Variants in FAM83B observed in about 807,000 individuals in gnomAD.
FAM83B encodes protein FAM83B.
A neutral mutation model predicts 38.8 loss-of-function variants in FAM83B; 26 were observed. The observed-to-expected ratio is 0.67, with a 90% CI of 0.49 to 0.93. FAM83B has a LOEUF of 0.93. Among genes scored for constraint, FAM83B ranks in the 40% least tolerant of loss-of-function variants. FAM83B has a pLI of 0.00. For missense variants in FAM83B, 1,237 were observed against 1,197.3 expected (o/e 1.03, Z -0.49); for synonymous variants, 419 against 423.1 (o/e 0.99, Z 0.12).
At chr6:54,867,185 A>G (rs1771730582) in intron 1 of FAM83B, among the ~76,000 whole-genome samples, 2 of 150,992 alleles carry the variant, frequency 1.3e-5, no homozygotes, top group African/African-American at 2.4e-5. Context: ...CTTATTTTTT[A>G]TATATATATT....
intron 2 of FAM83B, among the ~76,000 whole-genome samples, chr6:54,880,325 T>G (rs1052099278): frequency 2.6e-5 from 4 of 152,114 alleles, no homozygotes; most frequent in Non-Finnish European, 4.4e-5. Flanking sequence ...ATCAGGATTA[T>G]AGAGACAATT....
At chr6:54,857,615 A>G (rs537963540) in intron 1 of FAM83B, among the ~76,000 whole-genome samples, 4 of 152,202 alleles carry the variant, frequency 2.6e-5, no homozygotes, top group Non-Finnish European at 5.9e-5. Flanking sequence ...GGTCTTATCC[A>G]AGACAGTGAT....
intron 2 of FAM83B, among the ~76,000 whole-genome samples, chr6:54,906,532 G>C (rs1208535667): frequency 6.6e-6 from 1 of 151,822 alleles, no homozygotes; most frequent in Non-Finnish European, 1.5e-5. Context: ...TCACAGGCGC[G>C]TGCCCCTATG....
intron 2 of FAM83B, among the ~76,000 whole-genome samples, chr6:54,889,192 G>GT (rs1772346750): frequency 6.6e-6 from 1 of 151,986 alleles, no homozygotes; most frequent in African/African-American, 2.4e-5. Flanking sequence ...GTCACAGTCT[G>GT]TTTTTGATAA....
At chr6:54,934,504 CA>C (rs2127590343) in intron 4 of FAM83B, among the ~76,000 whole-genome samples, 1 of 152,100 alleles carries the variant, frequency 6.6e-6, no homozygotes, top group Non-Finnish European at 1.5e-5. Flanking sequence ...TGTCTTTCTC[CA>C]AAAGATTGTC....
At chr6:54,877,526 T>C (rs1772028287) in intron 2 of FAM83B, among the ~76,000 whole-genome samples, 1 of 152,234 alleles carries the variant, frequency 6.6e-6, no homozygotes, top group African/African-American at 2.4e-5. Context: ...AACTAGTCAC[T>C]CTTCAAATTA....
At chr6:54,933,900 C>G (rs1184555505) in intron 4 of FAM83B, among the ~76,000 whole-genome samples, 1 of 152,054 alleles carries the variant, frequency 6.6e-6, no homozygotes, top group African/African-American at 2.4e-5. Context: ...GGGAGGACCC[C>G]CAGTCTGGGG....
At chr6:54,889,948 A>C (rs1005779288) in intron 2 of FAM83B, among the ~76,000 whole-genome samples, 1 of 152,068 alleles carries the variant, frequency 6.6e-6, no homozygotes, top group Non-Finnish European at 1.5e-5. Context: ...TTAGTAGTGA[A>C]GTTTTTGATA....
At chr6:54,927,430 A>G in intron 3 of FAM83B, 78 bp from the exon 4 acceptor site, 1 of 1,201,730 alleles carries the variant, frequency 8.3e-7, no homozygotes, top group Non-Finnish European at 1.1e-6. Flanking sequence ...TTAAGATTCT[A>G]TCATGATATG....
intron 1 of FAM83B, among the ~76,000 whole-genome samples, chr6:54,858,161 C>G (rs1771487730): frequency 6.6e-6 from 1 of 152,094 alleles, no homozygotes; most frequent in Non-Finnish European, 1.5e-5. Context: ...AAGTCCAAAC[C>G]CTGATAACAG....
intron 4 of FAM83B, among the ~76,000 whole-genome samples, chr6:54,931,652 AT>A (rs942292620): frequency 5.9e-5 from 9 of 151,942 alleles, no homozygotes; most frequent in Admixed American, 3.9e-4. Flanking sequence ...TGCATGGTGT[AT>A]CTTTTTTTAT....
intron 1 of FAM83B, among the ~76,000 whole-genome samples, chr6:54,853,799 A>ATT (rs1771372556): frequency 6.6e-6 from 1 of 152,184 alleles, no homozygotes; most frequent in African/African-American, 2.4e-5. Context: ...AAGTTTTATT[A>ATT]TTTAAAAAGG....
In FAM83B at chr6:54,877,787, C is replaced by T. The variant is rs565806953; in HGVS notation, c.444+7097C>T. Among the ~76,000 whole-genome samples, 6 of 152,188 alleles carry T rather than the reference C, an allele frequency of 3.9e-5. No homozygotes were observed. The East Asian group carries it at 7.7e-4, about 20-fold the overall frequency. On this transcript the variant is annotated intron_variant, in intron 2 of 4. Transcript: ENST00000306858. ...TGCGTTCACGTGGTAGGTTGGTCAG[C>T]GGTAATGAAGCAGAATGAAACCAAA... is the stretch of plus-strand genomic sequence containing the variant.
intron 4 of FAM83B, among the ~76,000 whole-genome samples, chr6:54,929,189 T>G (rs917480597): frequency 1.3e-5 from 2 of 152,224 alleles, no homozygotes; most frequent in African/African-American, 4.8e-5. Context: ...GGACCTTTCC[T>G]GTTGCTAACA....
intron 1 of FAM83B, among the ~76,000 whole-genome samples, chr6:54,856,471 T>G (rs1322675588): frequency 6.6e-6 from 1 of 152,118 alleles, no homozygotes; most frequent in Non-Finnish European, 1.5e-5. Context: ...TTGAGCACAA[T>G]TGTAGAGAGA....
chr6:54,878,757 AAG>A (rs908980282), intron 2 of FAM83B, among the ~76,000 whole-genome samples: 1 of 152,156 alleles, frequency 6.6e-6, no homozygotes, highest in Admixed American at 6.5e-5. Flanking sequence ...TTTTGAGCAA[AAG>A]AGAGACATCA....
rs74461968 is a variant in FAM83B, at chr6:54,884,693, A to T, written c.444+14003A>T. Among the ~76,000 whole-genome samples, 1,326 of 151,648 alleles carry T rather than the reference A, an allele frequency of 8.7e-3. 19 individuals are homozygous for T. Among genetic ancestry groups the T allele is most frequent in the African/African-American group, 0.03 (1,228 of 41,312 alleles). On this transcript the variant is annotated intron_variant, in intron 2 of 4. Transcript: ENST00000306858. ...TCTGGACTCTATTCTAATTCCATTG[A>T]TTTACTTATCATTGCTGTGCCAAAA...
Position 54,915,698 on chromosome 6 carries a change from C to T in FAM83B, c.445-10673C>T, listed in dbSNP as rs1228212874. Among the ~76,000 whole-genome samples the T allele has an allele frequency of 3.2e-5, 4 of 124,014 alleles. 1 individual carries two copies. Among genetic ancestry groups the T allele is most frequent in the African/African-American group, 1.2e-4 (3 of 25,864 alleles). 81.4% of individuals were successfully genotyped at this position (124,014 alleles called of 152,430 possible). A position where few individuals can be genotyped will look rare whatever the true frequency, so the allele number is the denominator to read the frequency against. ...GCGGGCGCCTGTAGTCCCAGCTACT[C>T]GGGAGGCTGAGGCAGGAGAATGGCG... On this transcript the variant is annotated intron_variant, in intron 2 of 4. Coordinates refer to ENST00000306858, the MANE Select transcript of FAM83B (RefSeq NM_001010872.3).
intron 2 of FAM83B, among the ~76,000 whole-genome samples, chr6:54,875,740 T>A: frequency 4.1e-5 from 4 of 97,400 alleles, no homozygotes; most frequent in African/African-American, 7.3e-5. Context: ...AGAGGGAAGG[T>A]GGAAGAAAGG....
Sources: allele counts gnomAD v4.1 joint callset (sites outside exome capture counted in the v4.1 genomes callset), GRCh38; gene constraint gnomAD v4.1.1; transcripts MANE v1.5; gene names NCBI Gene and HGNC (gene_info 2026-07-23, HGNC 2026-07-21).